The following CERS3 variants were observed in gnomAD, a reference collection of about 807,000 sequenced individuals.
The protein encoded by CERS3 is LAG1 homolog, ceramide synthase 3.
Under a neutral mutation model 50.3 loss-of-function variants are expected in CERS3, and 33 were observed. That is an observed-to-expected ratio of 0.66 (90% CI 0.50 to 0.88). The LOEUF (loss-of-function observed/expected upper bound fraction) is 0.88. CERS3 is among the 40% of genes least tolerant of loss of function. CERS3 has a pLI of 0.00. For missense variants in CERS3, 470 were observed against 460.3 expected (o/e 1.02, Z -0.19); for synonymous variants, 176 against 155.2 (o/e 1.13, Z -0.99).
chr15:100,504,211 A>T (rs2036099493), intron 2 of CERS3, among the ~76,000 whole-genome samples: 1 of 149,444 alleles, frequency 6.7e-6, no homozygotes, highest in African/African-American at 2.5e-5. Flanking sequence ...GTGCCCCTGG[A>T]GAAAGGCTGC....
At chr15:100,454,617 G>C (rs1200489137) in intron 11 of CERS3, among the ~76,000 whole-genome samples, 1 of 151,952 alleles carries the variant, frequency 6.6e-6, no homozygotes, top group Non-Finnish European at 1.5e-5. Context: ...GAATACATAA[G>C]GGAAGTACTT....
chr15:100,484,442 G>C, intron 5 of CERS3, 108 bp downstream of exon 5: 1 of 741,040 alleles, frequency 1.3e-6, no homozygotes, highest in South Asian at 1.6e-5. Context: ...GGGTGACAGA[G>C]CTGGGTCTGA....
intron 11 of CERS3, among the ~76,000 whole-genome samples, chr15:100,442,623 C>T (rs913649729): frequency 1.3e-5 from 2 of 152,160 alleles, no homozygotes. Context: ...CCTCCTAAGC[C>T]GTGTCCTGTC....
chr15:100,538,046 A>C (rs139300577), intron 1 of CERS3, among the ~76,000 whole-genome samples: 1 of 152,348 alleles, frequency 6.6e-6, no homozygotes, highest in African/African-American at 2.4e-5. Flanking sequence ...GACATTCAGC[A>C]GGGCAGTTAA....
chr15:100,436,725 A>G (rs1388947254), intron 11 of CERS3, among the ~76,000 whole-genome samples: 3 of 152,202 alleles, frequency 2.0e-5, no homozygotes, highest in African/African-American at 7.2e-5. Context: ...TCATAGTGAT[A>G]GGACACCAGC....
chr15:100,456,080 C>A, intron 10 of CERS3, 34 bp from the exon 11 acceptor site: 3 of 1,541,766 alleles, frequency 1.9e-6, no homozygotes, highest in East Asian at 2.4e-5. Context: ...AATTTCATTA[C>A]AACCAAAGCA....
chr15:100,489,432 A>G (rs2035584953), intron 4 of CERS3, among the ~76,000 whole-genome samples: 1 of 152,208 alleles, frequency 6.6e-6, no homozygotes, highest in Admixed American at 6.5e-5. Context: ...TCTCCATAGC[A>G]GAGAAGCTTG....
intron 3 of CERS3, among the ~76,000 whole-genome samples, chr15:100,496,340 A>G (rs950801573): frequency 1.6e-4 from 24 of 152,184 alleles, no homozygotes; most frequent in Admixed American, 1.5e-3. Flanking sequence ...ATGTTGAAAG[A>G]CTATTCAGCA....
intron 11 of CERS3, among the ~76,000 whole-genome samples, chr15:100,424,203 A>G (rs563852740): frequency 1.3e-5 from 2 of 152,258 alleles, no homozygotes; most frequent in African/African-American, 2.4e-5. Flanking sequence ...GGCCTCCCAA[A>G]GTGCTGGGAT....
intron 1 of CERS3, among the ~76,000 whole-genome samples, chr15:100,527,048 C>T (rs2036815683): frequency 6.6e-6 from 1 of 152,078 alleles, no homozygotes; most frequent in African/African-American, 2.4e-5. Context: ...AATCCTAGTA[C>T]ATTGGGAGGC....
chr15:100,477,759 G>A (rs958444530), intron 7 of CERS3, among the ~76,000 whole-genome samples: 110 of 152,148 alleles, frequency 7.2e-4, no homozygotes, highest in African/African-American at 2.5e-3. Context: ...GAAGCAAACT[G>A]GTGTTCAGGT....
At chr15:100,531,536 G>C (rs1318302696), upstream of CERS3, among the ~76,000 whole-genome samples, 1 of 152,208 alleles carries the variant, frequency 6.6e-6, no homozygotes, top group Non-Finnish European at 1.5e-5. Context: ...GCAGGAAATA[G>C]GCTGTGTGTG....
intron 11 of CERS3, among the ~76,000 whole-genome samples, chr15:100,419,896 C>T (rs577547953): frequency 6.7e-6 from 1 of 149,180 alleles, no homozygotes; most frequent in Non-Finnish European, 1.5e-5. Context: ...AGAACAAAGA[C>T]ACAACATACC....
chr15:100,446,516 C>T (rs1003520087), intron 11 of CERS3, among the ~76,000 whole-genome samples: 1 of 152,004 alleles, frequency 6.6e-6, no homozygotes, highest in Non-Finnish European at 1.5e-5. Flanking sequence ...ATCTTTGAGG[C>T]ACATTTACTA....
At chr15:100,540,157 G>A (rs2037165372) in intron 1 of CERS3, among the ~76,000 whole-genome samples, 1 of 152,166 alleles carries the variant, frequency 6.6e-6, no homozygotes, top group South Asian at 2.1e-4. Context: ...TGAGCCCACT[G>A]GCTATGATCA....
Position 100,401,642 on chromosome 15 carries a change from G to C in CERS3, c.*1071C>G, listed in dbSNP as rs2030542880. On this transcript the variant is annotated 3_prime_UTR_variant, in exon 12 of 12. Coordinates refer to ENST00000679737, the MANE Select transcript of CERS3 (RefSeq NM_001378789.1). Reference sequence around the variant, plus strand: ...ATCCTCTGTTCCCAAGATCTCCCCTGGGTCTGGCAGTGTACATGCGTGCCC... The same window carrying C: ...ATCCTCTGTTCCCAAGATCTCCCCTCGGTCTGGCAGTGTACATGCGTGCCC... The C allele has an allele frequency of 6.6e-6, 1 of 152,232 alleles. No homozygotes were observed. The highest frequency in any genetic ancestry group is 1.5e-5 in the Non-Finnish European group (1 of 68,092). The allele number at this position is 152,232 out of a possible 1,614,324, so 9.4% of individuals were successfully genotyped here.
chr15:100,483,786 TA>T (rs540643817), intron 5 of CERS3, among the ~76,000 whole-genome samples: 104 of 83,022 alleles, frequency 1.3e-3, no homozygotes, highest in East Asian at 2.8e-3. Context: ...TTATTATTAT[TA>T]TTTTTTTTTT....
At chr15:100,402,976 C>T in intron 11 of CERS3, 111 bp from the exon 12 acceptor site, 1 of 1,051,234 alleles carries the variant, frequency 9.5e-7, no homozygotes, top group Non-Finnish European at 1.4e-6. Context: ...AACCCAATAT[C>T]CAAATAACTA....
intron 3 of CERS3, among the ~76,000 whole-genome samples, chr15:100,497,018 A>T (rs1160004598): frequency 6.6e-6 from 1 of 152,180 alleles, no homozygotes; most frequent in East Asian, 1.9e-4. Context: ...ATGTGGAGAG[A>T]TCATAAAACA....
Sources: allele counts gnomAD v4.1 joint callset (sites outside exome capture counted in the v4.1 genomes callset), GRCh38; gene constraint gnomAD v4.1.1; transcripts MANE v1.5; gene names NCBI Gene and HGNC (gene_info 2026-07-23, HGNC 2026-07-21).